RNF24: variants seen among roughly 807,000 people sequenced by gnomAD.
RNF24 encodes ring finger protein 24.
Under a neutral mutation model 20.0 loss-of-function variants are expected in RNF24, and 14 were observed. That is an observed-to-expected ratio of 0.70 (90% confidence interval 0.46 to 1.10). RNF24 has a LOEUF of 1.10. Ranked by LOEUF, RNF24 falls within the 50% of genes least tolerant of loss-of-function variation. The probability of loss-of-function intolerance (pLI) is 0.00; values close to 1 mark genes in which losing one functional copy is unlikely to be tolerated. For synonymous variants in RNF24, 45 were observed against 61.1 expected (o/e 0.74, Z 1.23); for missense variants, 124 against 177.6 (o/e 0.70, Z 1.71).
chr20:3,992,903 T>C (rs1233282099), intron 1 of RNF24, among the ~76,000 whole-genome samples: 3 of 152,238 alleles, frequency 2.0e-5, no homozygotes, highest in African/African-American at 4.8e-5. Context: ...CTTTGTCATA[T>C]TGGTTTAGGT....
At chr20:3,945,452 C>T (rs1218840142) in intron 3 of RNF24, among the ~76,000 whole-genome samples, 3 of 152,142 alleles carry the variant, frequency 2.0e-5, no homozygotes, top group Non-Finnish European at 4.4e-5. Flanking sequence ...TAGTGGCTCA[C>T]ACCTGTAATC....
intron 1 of RNF24, among the ~76,000 whole-genome samples, chr20:3,981,048 C>T (rs1330258545): frequency 6.6e-6 from 1 of 151,934 alleles, no homozygotes; most frequent in African/African-American, 2.4e-5. Context: ...TCAACAGAAT[C>T]GCCATTTGTC....
At chr20:3,953,759 G>GT (rs66825220) in intron 2 of RNF24, among the ~76,000 whole-genome samples, 17,521 of 138,554 alleles carry the variant, frequency 0.13, 1,351 homozygotes, top group Non-Finnish European at 0.18. Context: ...TCTTGTAGTA[G>GT]TTTTTTTTTT....
chr20:3,980,340 T>C (rs909981842), intron 1 of RNF24, among the ~76,000 whole-genome samples: 2 of 152,110 alleles, frequency 1.3e-5, no homozygotes, highest in African/African-American at 2.4e-5. Flanking sequence ...AAAACCCGGA[T>C]AGCACCGAGT....
chr20:3,996,023 T>C (rs1324612072), intron 1 of RNF24, among the ~76,000 whole-genome samples: 2 of 152,236 alleles, frequency 1.3e-5, no homozygotes, highest in Non-Finnish European at 2.9e-5. Flanking sequence ...GATGGATATA[T>C]TGAAGACTAT....
rs1299368711 is a variant in RNF24, at chr20:3,928,359, G to A, written c.*5704C>T. ...GAGGTGGGTGTGGACAGAGGCACTG[G>A]GCAGCTGCTGGGAAGCGAGGCACAA... On this transcript the variant is annotated 3_prime_UTR_variant, in exon 6 of 6. Transcript: ENST00000358395. 6.6e-6 allele frequency: 1 copy of A among 152,202 alleles called. No individual in the cohort carries two copies. The highest frequency in any genetic ancestry group is 6.6e-5 in the Admixed American group (1 of 15,266). The allele number at this position is 152,202 out of a possible 1,614,324, so 9.4% of individuals were successfully genotyped here. A position where few individuals can be genotyped will look rare whatever the true frequency, so the allele number is the denominator to read the frequency against.
chr20:3,961,642 A>G (rs1188501237), intron 2 of RNF24, among the ~76,000 whole-genome samples: 1 of 152,078 alleles, frequency 6.6e-6, no homozygotes, highest in Non-Finnish European at 1.5e-5. Context: ...TGAGCTATAT[A>G]TTTTAGAATT....
rs1408910483 is a variant in RNF24, at chr20:3,991,927, TAC to T, written c.-8+23508_-8+23509del. Among the ~76,000 whole-genome samples, 31 of 149,770 alleles carry T rather than the reference TAC, an allele frequency of 2.1e-4. No individual in the cohort carries two copies. In the South Asian group the frequency reaches 5.1e-3, roughly 25 times the overall value. ...CATGAATAGAATATGTGTGGCTATATACACACACACACGCACACACACACACA... is the reference window on the plus strand; with the variant it reads ...CATGAATAGAATATGTGTGGCTATATACACACACACGCACACACACACACA... On this transcript the variant is annotated intron_variant, in intron 1 of 5. Coordinates refer to ENST00000358395, the MANE Select transcript of RNF24 (RefSeq NM_001134337.3).
At chr20:3,969,106 A>T (rs936061115) in intron 1 of RNF24, among the ~76,000 whole-genome samples, 12 of 152,232 alleles carry the variant, frequency 7.9e-5, no homozygotes, top group African/African-American at 2.9e-4. Context: ...CTATTTCATA[A>T]AGTTTTAAGG....
intron 2 of RNF24, among the ~76,000 whole-genome samples, chr20:3,951,232 C>T (rs1600644829): frequency 6.6e-6 from 1 of 152,326 alleles, no homozygotes; most frequent in East Asian, 1.9e-4. Flanking sequence ...GCTGGGATTA[C>T]AGGCGTGAGC....
intron 1 of RNF24, among the ~76,000 whole-genome samples, chr20:4,009,538 G>A (rs898531690): frequency 3.3e-5 from 5 of 152,168 alleles, no homozygotes; most frequent in African/African-American, 9.7e-5. Context: ...TCTACATTTG[G>A]TTGGGGGGAA....
chr20:3,939,128 C>T (rs887717334), intron 4 of RNF24, among the ~76,000 whole-genome samples: 1 of 152,014 alleles, frequency 6.6e-6, no homozygotes, highest in African/African-American at 2.4e-5. Context: ...ACCCAATCCA[C>T]AGCTATGAAG....
At chr20:3,995,435 T>G (rs957291217) in intron 1 of RNF24, among the ~76,000 whole-genome samples, 5 of 152,212 alleles carry the variant, frequency 3.3e-5, no homozygotes, top group African/African-American at 4.8e-5. Flanking sequence ...GCCACATTTC[T>G]TCAACAACAA....
intron 1 of RNF24, among the ~76,000 whole-genome samples, chr20:4,010,665 T>C (rs527718571): frequency 3.9e-5 from 6 of 152,364 alleles, no homozygotes; most frequent in Admixed American, 2.0e-4. Flanking sequence ...CTGATGTCAA[T>C]TGATATTTTC....
Position 3,927,766 on chromosome 20 carries a change from G to C in RNF24, c.*6297C>G, listed in dbSNP as rs555936476. 1 of 152,376 alleles carries C rather than the reference G, an allele frequency of 6.6e-6. No individual in the cohort carries two copies. Among genetic ancestry groups the C allele is most frequent in the Non-Finnish European group, 1.5e-5 (1 of 68,080 alleles). 9.4% of individuals were successfully genotyped at this position (152,376 alleles called of 1,614,324 possible). On this transcript the variant is annotated 3_prime_UTR_variant, in exon 6 of 6. Transcript: ENST00000358395. ...GAGAGGAACGGTGTGCAGTGGGCGTGAGATGCAGATCCACCAGGCTTGGGA... is the reference window on the plus strand; with the variant it reads ...GAGAGGAACGGTGTGCAGTGGGCGTCAGATGCAGATCCACCAGGCTTGGGA...
At chr20:4,015,282 C>CCCGG (rs1422202496) in intron 1 of RNF24, 155 bp downstream of exon 1, 1 of 152,194 alleles carries the variant, frequency 6.6e-6, no homozygotes, top group East Asian at 1.9e-4. Context: ...GCACACCGCG[C>CCCGG]CCGGCCGGCC....
rs1568676816 is a variant in RNF24 at position 4,012,254 on chromosome 20, A to T, written c.-8+3183T>A. ...ATGGCAAAACTCCGTCTCTACTAAA[A>T]ATACAAAAAAAAATTAGCCAGGCGT... is the stretch of plus-strand genomic sequence containing the variant. On this transcript the variant is annotated intron_variant, in intron 1 of 5. Coordinates refer to ENST00000358395, the MANE Select transcript of RNF24 (RefSeq NM_001134337.3). Among the ~76,000 whole-genome samples the T allele has an allele frequency of 2.0e-5, 3 of 152,158 alleles. No individual in the cohort carries two copies. In the South Asian group the frequency reaches 6.2e-4, roughly 31 times the overall value.
chr20:3,959,749 A>G (rs2091181240), intron 2 of RNF24, among the ~76,000 whole-genome samples: 1 of 152,160 alleles, frequency 6.6e-6, no homozygotes, highest in South Asian at 2.1e-4. Flanking sequence ...TCATGTTTCT[A>G]AATAACTTGC....
intron 4 of RNF24, among the ~76,000 whole-genome samples, chr20:3,944,209 C>CAAAAAAAAAAA (rs58334745): frequency 9.1e-6 from 1 of 109,904 alleles, no homozygotes; most frequent in African/African-American, 3.0e-5. Flanking sequence ...GACCCCGTCT[C>CAAAAAAAAAAA]AAAAAAAAAA....
Sources: allele counts gnomAD v4.1 joint callset (sites outside exome capture counted in the v4.1 genomes callset), GRCh38; gene constraint gnomAD v4.1.1; transcripts MANE v1.5; gene names NCBI Gene and HGNC (gene_info 2026-07-23, HGNC 2026-07-21).